The following CHD6 variants were observed in gnomAD, a reference collection of about 807,000 sequenced individuals.
CHD6 encodes the protein ATP-dependent chromatin remodeler CHD6.
In CHD6, 50 loss-of-function variants were observed where a neutral mutation model predicts 276.9. The ratio of observed to expected loss-of-function variants is 0.18; its 90% CI spans 0.14 to 0.23. The LOEUF is 0.23. Among genes scored for constraint, CHD6 ranks in the 10% least tolerant of loss-of-function variants. CHD6 has a pLI of 1.00. For missense variants in CHD6, 2,564 were observed against 3,365.8 expected, an observed-to-expected ratio of 0.76 and a Z score of 5.89; for synonymous variants, 1,173 against 1,229.3, an observed-to-expected ratio of 0.95 and a Z score of 0.96.
Position 41,413,327 on chromosome 20 carries a change from C to T in CHD6, c.7128G>A (p.Gly2376=). The change falls in exon 35 of 37, where the codon GGG becomes GGA. Residue 2376 remains glycine, a synonymous_variant. Transcript: ENST00000373233. ...GGCAGTACCAACAAACACTTACTGC[C>T]CCAAAGCCAGGAACTTCTAAGGAGT... ...ADYSLEVPGF[G]ANFSDKPKQR... is the part of the protein sequence containing the mutation. 4.4e-6 allele frequency: 7 copies of T among 1,595,894 alleles called. No individual in the cohort carries two copies. Among genetic ancestry groups the T allele is most frequent in the African/African-American group, 1.3e-5 (1 of 74,586 alleles).
In CHD6 at chr20:41,499,201, A is replaced by G; in HGVS notation, c.915+94T>C. The G allele has an allele frequency of 4.3e-6, 4 of 924,256 alleles. No homozygotes were observed. The East Asian group carries it at 8.1e-5, about 19-fold the overall frequency. The allele number at this position is 924,256 out of a possible 1,614,324, so 57.3% of individuals were successfully genotyped here. Reference sequence around the variant, plus strand: ...TCTTGCCTAGCTCTCACTCCAGCCAATAATGGTCATTCTAGGTTCTCTAGC... The same window carrying G: ...TCTTGCCTAGCTCTCACTCCAGCCAGTAATGGTCATTCTAGGTTCTCTAGC... On this transcript the variant is annotated intron_variant, in intron 6 of 36. Coordinates refer to ENST00000373233, the MANE Select transcript of CHD6 (RefSeq NM_032221.5).
At chr20:41,604,893 AGGATCCTTGACT>A (rs1480056149) in intron 1 of CHD6, among the ~76,000 whole-genome samples, 10 of 152,180 alleles carry the variant, frequency 6.6e-5, no homozygotes, top group Non-Finnish European at 1.3e-4. Flanking sequence ...AATACAATGC[AGGATCCTTGACT>A]GGATCCTAAT....
At chr20:41,502,138 ATCTTT>A (rs901399444) in intron 5 of CHD6, among the ~76,000 whole-genome samples, 2 of 152,178 alleles carry the variant, frequency 1.3e-5, no homozygotes, top group Non-Finnish European at 2.9e-5. Context: ...CATTTTATCA[ATCTTT>A]TCTTTTATGA....
chr20:41,448,778 C>T (rs1420600029), intron 23 of CHD6, among the ~76,000 whole-genome samples: 1 of 152,096 alleles, frequency 6.6e-6, no homozygotes, highest in Non-Finnish European at 1.5e-5. Flanking sequence ...GAAAGTGCCA[C>T]TGTGGGCTCA....
At chr20:41,590,570 A>T (rs1405388141) in intron 1 of CHD6, among the ~76,000 whole-genome samples, 7 of 152,272 alleles carry the variant, frequency 4.6e-5, no homozygotes, top group Non-Finnish European at 8.8e-5. Flanking sequence ...GACATTTCTC[A>T]AAAGAAGACA....
In CHD6 at chr20:41,532,908, C is replaced by T. The variant is rs1055204982; in HGVS notation, c.554+142G>A. The T allele has an allele frequency of 4.2e-5, 39 of 920,730 alleles. No homozygotes were observed. In the African/African-American group the frequency reaches 6.2e-4, roughly 15 times the overall value. 57.0% of individuals were successfully genotyped at this position (920,730 alleles called of 1,614,324 possible). On this transcript the variant is annotated intron_variant, in intron 3 of 36. Coordinates refer to ENST00000373233, the MANE Select transcript of CHD6 (RefSeq NM_032221.5). The stretch of plus-strand genomic sequence containing the variant: ...TTAGCACCAAGGGGTTACCCCTGCT[C>T]CCCATCCTATACAGGTGAGATGTGA...
At position 41,420,765 on chromosome 20, in the gene CHD6, A is replaced by C. The variant is rs1190700421; in HGVS notation, c.5870T>G (p.Ile1957Ser). The change falls in exon 31 of 37, where the codon ATC (isoleucine) becomes AGC (serine). Residue 1957 changes from isoleucine (I) to serine (S), a missense_variant. Transcript: ENST00000373233. Reference protein sequence around the residue: ...MHGLENDEFEIEKPKAYIPDL... With the variant: ...MHGLENDEFESEKPKAYIPDL... Reference sequence around the variant, plus strand: ...TGGGATATAAGCCTTGGGTTTCTCGATTTCAAATTCATCATTCTCGAGGCC... The same window carrying C: ...TGGGATATAAGCCTTGGGTTTCTCGCTTTCAAATTCATCATTCTCGAGGCC... 4.3e-6 allele frequency: 7 copies of C among 1,614,128 alleles called. No homozygotes were observed. The highest frequency in any genetic ancestry group is 5.9e-6 in the Non-Finnish European group (7 of 1,180,028).
intron 17 of CHD6, among the ~76,000 whole-genome samples, chr20:41,465,330 CT>C (rs1318746852): frequency 6.6e-6 from 1 of 152,180 alleles, no homozygotes; most frequent in East Asian, 1.9e-4. Context: ...CACGCATCCC[CT>C]GATACAATGC....
rs573986639 is a variant in CHD6, at chr20:41,479,072, G to A, written c.2468+4237C>T. Among the ~76,000 whole-genome samples the A allele has an allele frequency of 2.0e-4, 31 of 152,208 alleles. No homozygotes were observed. In the South Asian group the frequency reaches 6.0e-3, roughly 30 times the overall value. The stretch of plus-strand genomic sequence containing the variant: ...GGAAATTTTAGAACTAATAAATAAA[G>A]CATAGAGTGTGCTTAATAAGCATGA... On this transcript the variant is annotated intron_variant, in intron 16 of 36. Coordinates refer to ENST00000373233, the MANE Select transcript of CHD6 (RefSeq NM_032221.5).
At chr20:41,442,871 C>T (rs2047942078) in intron 25 of CHD6, among the ~76,000 whole-genome samples, 2 of 152,188 alleles carry the variant, frequency 1.3e-5, no homozygotes, top group Non-Finnish European at 2.9e-5. Flanking sequence ...TCTGTCCAAC[C>T]TCATCTAAGT....
chr20:41,526,259 T>C lies in CHD6; in HGVS notation c.554+6791A>G, dbSNP rs6124357. ...CCTGGTTAACATGAAGTCCAATGGG[T>C]TCCAAGCTCAGGGTCTCTACTGAGG... On this transcript the variant is annotated intron_variant, in intron 3 of 36. Coordinates refer to ENST00000373233, the MANE Select transcript of CHD6 (RefSeq NM_032221.5). Among the ~76,000 whole-genome samples the C allele has an allele frequency of 4.7e-4, 72 of 152,176 alleles. No individual in the cohort carries two copies. In the East Asian group the frequency reaches 0.013, roughly 27 times the overall value.
Position 41,415,529 on chromosome 20 carries a change from G to A in CHD6, c.6596C>T (p.Ala2199Val). ...GATGATAGGGGTGTGCCCGTGGGTG[G>A]CAGAGAACTGCTCCAGGCCCCGAGC... is the stretch of plus-strand genomic sequence containing the variant. ...AKARGLEQFS[A>V]THGHTPIILN... The change falls in exon 34 of 37, where the codon GCC (alanine) becomes GTC (valine). Residue 2199 changes from alanine (A) to valine (V), a missense_variant. By Grantham distance (64) the Ala-to-Val change is moderately conservative (BLOSUM62 0). Coordinates refer to ENST00000373233, the MANE Select transcript of CHD6 (RefSeq NM_032221.5). The A allele has an allele frequency of 6.2e-7, 1 of 1,614,134 alleles. No homozygotes were observed. Among genetic ancestry groups the A allele is most frequent in the South Asian group, 1.1e-5 (1 of 91,080 alleles).
intron 31 of CHD6, among the ~76,000 whole-genome samples, chr20:41,419,419 T>C (rs962660435): frequency 2.0e-5 from 3 of 151,160 alleles, no homozygotes; most frequent in African/African-American, 7.3e-5. Flanking sequence ...GTACTAAAAA[T>C]ACAAAAATCA....
At chr20:41,543,462 C>G (rs1277839833) in intron 2 of CHD6, among the ~76,000 whole-genome samples, 1 of 152,188 alleles carries the variant, frequency 6.6e-6, no homozygotes, top group Non-Finnish European at 1.5e-5. Context: ...ACACCTGTAT[C>G]TCTCCTCAAC....
intron 8 of CHD6, chr20:41,497,161 G>C (rs41307201): frequency 2.0e-6 from 1 of 498,146 alleles, no homozygotes; most frequent in South Asian, 2.2e-5. Context: ...CAAGATGCAC[G>C]CCGTTATGAG....
At chr20:41,519,578 A>T (rs1351093072) in intron 3 of CHD6, among the ~76,000 whole-genome samples, 11 of 152,134 alleles carry the variant, frequency 7.2e-5, no homozygotes, top group African/African-American at 2.7e-4. Context: ...TGCAGGAAAC[A>T]ATTCCCTATT....
intron 1 of CHD6, among the ~76,000 whole-genome samples, chr20:41,555,878 T>C (rs903255357): frequency 1.3e-5 from 2 of 150,518 alleles, no homozygotes; most frequent in African/African-American, 4.8e-5. Flanking sequence ...GCAATCTCGG[T>C]ACTTTGGGAG....
intron 1 of CHD6, among the ~76,000 whole-genome samples, chr20:41,555,711 G>C (rs1480307947): frequency 2.7e-5 from 4 of 149,832 alleles, no homozygotes; most frequent in African/African-American, 7.4e-5. Flanking sequence ...GGGCAGAGAC[G>C]CTCCTCACTT....
chr20:41,415,207 C>A lies in CHD6; in HGVS notation c.6918G>T (p.Gln2306His). The A allele has an allele frequency of 6.2e-7, 1 of 1,614,040 alleles. No homozygotes were observed. Among genetic ancestry groups the A allele is most frequent in the Non-Finnish European group, 8.5e-7 (1 of 1,179,958 alleles). ...CCACCAAGATTCCCGCCTGAAGTGT[C>A]TGCTCCTTCAAAAAGATGAGGTCCA... ...GGMDLIFLKE[Q>H]TLQAGILEVH... Residue 2306 changes from glutamine (Q) to histidine (H), a missense_variant, in exon 34 of 37, where the codon CAG becomes CAT. Around this residue, in one of 7 missense-constraint regions of CHD6, gnomAD observed 1,024 missense variants for 1,047.9 expected, o/e 0.98. Coordinates refer to ENST00000373233, the MANE Select transcript of CHD6 (RefSeq NM_032221.5).
Sources: allele counts gnomAD v4.1 joint callset (sites outside exome capture counted in the v4.1 genomes callset), GRCh38; gene constraint gnomAD v4.1.1; regional missense constraint gnomAD v4.1.1; transcripts MANE v1.5; gene names NCBI Gene and HGNC (gene_info 2026-07-23, HGNC 2026-07-21).